GULP1: variants seen among roughly 807,000 people sequenced by gnomAD.
The protein encoded by GULP1 is GULP PTB domain containing engulfment adaptor 1, also known as PTB domain-containing engulfment adapter protein 1.
In GULP1, 19 loss-of-function variants were observed where a neutral mutation model predicts 40.9. The observed-to-expected ratio is 0.46, with a 90% confidence interval of 0.32 to 0.68. GULP1 has a LOEUF of 0.68. Among genes scored for constraint, GULP1 ranks in the 30% least tolerant of loss-of-function variants. The pLI is 0.03. For missense variants in GULP1, 312 were observed against 362.2 expected, an observed-to-expected ratio of 0.86 and a Z score of 1.12; for synonymous variants, 119 against 117.6, an observed-to-expected ratio of 1.01 and a Z score of -0.08.
intron 2 of GULP1, among the ~76,000 whole-genome samples, chr2:188,407,876 C>A (rs995866623): frequency 6.6e-6 from 1 of 152,016 alleles, no homozygotes; most frequent in Non-Finnish European, 1.5e-5. Context: ...AAACAAGTCC[C>A]AACTATATGC....
chr2:188,298,441 CAA>C (rs1378301477), intron 1 of GULP1, among the ~76,000 whole-genome samples: 7 of 151,998 alleles, frequency 4.6e-5, no homozygotes, highest in Admixed American at 4.6e-4. Flanking sequence ...TTTGAGTAAA[CAA>C]ATTTTATTTG....
At chr2:188,557,032 AAAAAG>A (rs1259019985) in intron 7 of GULP1, among the ~76,000 whole-genome samples, 2 of 151,982 alleles carry the variant, frequency 1.3e-5, no homozygotes, top group African/African-American at 4.8e-5. Context: ...TCAAAAAAAA[AAAAAG>A]AAAAGAAATC....
chr2:188,297,607 C>G, intron 1 of GULP1: 1 of 423,370 alleles, frequency 2.4e-6, no homozygotes, highest in South Asian at 1.7e-5. Context: ...ATCCTTATTT[C>G]TATAAGAGAG....
chr2:188,550,992 C>T (rs1172492812), intron 7 of GULP1, among the ~76,000 whole-genome samples: 1 of 151,448 alleles, frequency 6.6e-6, no homozygotes, highest in Non-Finnish European at 1.5e-5. Flanking sequence ...TTTAAAAACT[C>T]TGAAGAATTG....
At chr2:188,450,171 A>G (rs970238954) in intron 2 of GULP1, among the ~76,000 whole-genome samples, 1 of 152,182 alleles carries the variant, frequency 6.6e-6, no homozygotes, top group Admixed American at 6.5e-5. Flanking sequence ...ATCTTGTGCT[A>G]TATTTCTGGC....
chr2:188,396,212 G>T (rs1413133483), intron 2 of GULP1, among the ~76,000 whole-genome samples: 1 of 152,176 alleles, frequency 6.6e-6, no homozygotes, highest in African/African-American at 2.4e-5. Context: ...TAGGCAATTG[G>T]TGGGGTCATA....
At chr2:188,517,624 A>T (rs543802888) in intron 4 of GULP1, among the ~76,000 whole-genome samples, 2 of 152,086 alleles carry the variant, frequency 1.3e-5, no homozygotes, top group Non-Finnish European at 2.9e-5. Flanking sequence ...GGTTCTGTGG[A>T]CTTGAGCAGG....
intron 2 of GULP1, among the ~76,000 whole-genome samples, chr2:188,446,041 C>T (rs891541893): frequency 5.3e-5 from 8 of 152,134 alleles, no homozygotes; most frequent in African/African-American, 1.9e-4. Context: ...GTCAATGAGT[C>T]CACCATCTCC....
At chr2:188,364,738 C>CTATATATATGATACATATACATATA (rs1348633675) in intron 1 of GULP1, among the ~76,000 whole-genome samples, 2 of 148,478 alleles carry the variant, frequency 1.3e-5, no homozygotes, top group African/African-American at 2.5e-5. Flanking sequence ...ATATACATAT[C>CTATATATATGATACATATACATATA]TATATATATG....
chr2:188,570,157 T>C (rs200711089), intron 9 of GULP1, 37 bp downstream of exon 9: 17 of 856,728 alleles, frequency 2.0e-5, no homozygotes, highest in South Asian at 1.4e-4. Flanking sequence ...CAAGATTTTA[T>C]GGTGATAAAA....
chr2:188,304,534 C>T (rs769484073), intron 1 of GULP1, among the ~76,000 whole-genome samples: 8 of 152,252 alleles, frequency 5.3e-5, no homozygotes, highest in Non-Finnish European at 8.8e-5. Context: ...GGAAGTAATG[C>T]GTCTCAACCA....
At chr2:188,546,938 C>A (rs993878514) in intron 7 of GULP1, among the ~76,000 whole-genome samples, 1 of 151,588 alleles carries the variant, frequency 6.6e-6, no homozygotes, top group Non-Finnish European at 1.5e-5. Context: ...CACACAAATT[C>A]AAAAATACAA....
chr2:188,560,572 C>A (rs1192502666), intron 7 of GULP1, among the ~76,000 whole-genome samples: 1 of 152,180 alleles, frequency 6.6e-6, no homozygotes, highest in Non-Finnish European at 1.5e-5. Flanking sequence ...AGCAATGCCC[C>A]AGTCCTCAGT....
chr2:188,424,446 A>C (rs1362348338), intron 2 of GULP1, among the ~76,000 whole-genome samples: 2 of 151,942 alleles, frequency 1.3e-5, no homozygotes, highest in Admixed American at 1.3e-4. Flanking sequence ...CTCATTTTGC[A>C]ACCTTACTCC....
intron 2 of GULP1, among the ~76,000 whole-genome samples, chr2:188,450,207 C>G (rs1176002164): frequency 6.6e-6 from 1 of 152,128 alleles, no homozygotes; most frequent in African/African-American, 2.4e-5. Flanking sequence ...TTAGGCTTTA[C>G]AGAACATGAT....
intron 1 of GULP1, among the ~76,000 whole-genome samples, chr2:188,342,566 C>T (rs1279150594): frequency 1.3e-5 from 2 of 152,062 alleles, no homozygotes; most frequent in Admixed American, 6.5e-5. Flanking sequence ...CTTTTGGGGA[C>T]CACTATTTTT....
intron 1 of GULP1, among the ~76,000 whole-genome samples, chr2:188,340,840 G>C (rs1351716485): frequency 6.6e-6 from 1 of 152,080 alleles, no homozygotes; most frequent in Non-Finnish European, 1.5e-5. Context: ...GAGGGAGCGG[G>C]AAAGTATTCT....
intron 7 of GULP1, among the ~76,000 whole-genome samples, chr2:188,563,998 C>A (rs1191886391): frequency 6.6e-6 from 1 of 151,926 alleles, no homozygotes; most frequent in African/African-American, 2.4e-5. Flanking sequence ...CAACGTAATA[C>A]AACATCTTAA....
rs1475685781 is a variant in GULP1, at chr2:188,573,200, TA to T, written c.609+3086del. 2.0e-5 allele frequency among the ~76,000 whole-genome samples: 3 copies of T among 152,168 alleles called. No homozygotes were observed. The East Asian group carries it at 5.8e-4, about 29-fold the overall frequency. On this transcript the variant is annotated intron_variant, in intron 9 of 11. Transcript: ENST00000409830. ...CAGCATTTGCTAATGTGTTTCCTAT[TA>T]AAAAACATTTTTGCCTTTCATTTCA...
Sources: gnomAD v4.1 joint callset for allele counts (sites outside exome capture counted in the v4.1 genomes callset) on GRCh38, gnomAD v4.1.1 for gene constraint, MANE v1.5 for transcripts, NCBI Gene and HGNC (gene_info 2026-07-23, HGNC 2026-07-21) for gene names.